Variants in SUGCT observed in about 807,000 individuals in gnomAD.
SUGCT encodes succinyl-CoA:glutarate CoA-transferase.
SUGCT carries 41 observed loss-of-function variants against 55.0 expected under a neutral mutation model. That is an observed-to-expected ratio of 0.74 (90% confidence interval 0.58 to 0.97). SUGCT has a LOEUF of 0.97. SUGCT is among the 50% of genes least tolerant of loss of function. The pLI, the probability that SUGCT is intolerant of heterozygous loss-of-function variation, is 0.00. For synonymous variants in SUGCT, 187 were observed against 200.4 expected (o/e 0.93, Z 0.56); for missense variants, 568 against 547.8 (o/e 1.04, Z -0.37).
intron 6 of SUGCT, among the ~76,000 whole-genome samples, chr7:40,207,941 A>C (rs1202074243): frequency 6.6e-6 from 1 of 152,206 alleles, no homozygotes; most frequent in East Asian, 1.9e-4. Flanking sequence ...TAAAACATCA[A>C]AGCAACCCAA....
chr7:40,661,979 C>T (rs1801350721), intron 12 of SUGCT, among the ~76,000 whole-genome samples: 1 of 152,196 alleles, frequency 6.6e-6, no homozygotes, highest in African/African-American at 2.4e-5. Context: ...ACCTTTAAAT[C>T]TAACTGCCAA....
the SUGCT span, among the ~76,000 whole-genome samples, chr7:40,948,029 G>GAAGAAGT: frequency 1.3e-5 from 2 of 152,154 alleles, no homozygotes; most frequent in Non-Finnish European, 2.9e-5. Flanking sequence ...TGATTATGGA[G>GAAGAAGT]AAGAAGTAAC....
Position 40,458,905 on chromosome 7 carries a change from A to T in SUGCT, c.889-196A>T, listed in dbSNP as rs116240276. Among the ~76,000 whole-genome samples the T allele has an allele frequency of 9.6e-3, 1,462 of 152,236 alleles. 25 individuals carry two copies. Among genetic ancestry groups the T allele is most frequent in the African/African-American group, 0.033 (1,365 of 41,524 alleles). Reference sequence around the variant, plus strand: ...TGCTTAAATGTAGTAAAAGCCTCTTATGAATGACAAACCCTTTCACCAGCA... The same window carrying T: ...TGCTTAAATGTAGTAAAAGCCTCTTTTGAATGACAAACCCTTTCACCAGCA... On this transcript the variant is annotated intron_variant, in intron 10 of 13. Coordinates refer to ENST00000335693, the MANE Select transcript of SUGCT (RefSeq NM_001193313.2).
At chr7:40,244,587 A>G (rs1789686334) in intron 7 of SUGCT, among the ~76,000 whole-genome samples, 1 of 152,220 alleles carries the variant, frequency 6.6e-6, no homozygotes, top group Non-Finnish European at 1.5e-5. Flanking sequence ...CCAAGTGTGC[A>G]GGATGGATTA....
intron 9 of SUGCT, among the ~76,000 whole-genome samples, chr7:40,445,951 C>T (rs572489785): frequency 5.3e-4 from 80 of 151,938 alleles, no homozygotes; most frequent in Non-Finnish European, 1.0e-3. Flanking sequence ...TGACTAGTTA[C>T]CTTTGCATAA....
chr7:40,216,782 G>C (rs1787684367), intron 6 of SUGCT, among the ~76,000 whole-genome samples: 1 of 151,916 alleles, frequency 6.6e-6, no homozygotes, highest in South Asian at 2.1e-4. Context: ...CTTGAACCTG[G>C]GAGGGGGAGG....
rs188293236 is a variant in SUGCT, at chr7:40,388,949, A to G, written c.817-60338A>G. Among the ~76,000 whole-genome samples, 457 of 152,306 alleles carry G rather than the reference A, an allele frequency of 3.0e-3. 2 individuals carry two copies. Among genetic ancestry groups the G allele is most frequent in the African/African-American group, 0.01 (435 of 41,572 alleles). ...GAACTTAAAAAAATATGTTTGAGATATTCATTTATTGTGAGAAAACCTGCT... is the reference window on the plus strand; with the variant it reads ...GAACTTAAAAAAATATGTTTGAGATGTTCATTTATTGTGAGAAAACCTGCT... On this transcript the variant is annotated intron_variant, in intron 9 of 13. Coordinates refer to ENST00000335693, the MANE Select transcript of SUGCT (RefSeq NM_001193313.2).
chr7:40,906,543 G>A, the SUGCT span, among the ~76,000 whole-genome samples: 6 of 151,982 alleles, frequency 3.9e-5, no homozygotes, highest in African/African-American at 1.5e-4. Flanking sequence ...TTTTTTAAAT[G>A]CAACAATAAA....
chr7:40,927,388 G>C, the SUGCT span, among the ~76,000 whole-genome samples: 1 of 152,140 alleles, frequency 6.6e-6, no homozygotes, highest in Non-Finnish European at 1.5e-5. Flanking sequence ...GGGAAAAGGG[G>C]AGTCAGAACT....
In SUGCT at chr7:40,448,959, T is replaced by TAG. The variant is rs1261492858; in HGVS notation, c.817-327_817-326insGA. Among the ~76,000 whole-genome samples the TAG allele has an allele frequency of 5.6e-4, 83 of 148,886 alleles. 1 individual carries two copies. The highest frequency in any genetic ancestry group is 4.5e-3 in the East Asian group (23 of 5,110). ...GTGTGTGTGTGTGTGTGTATATATA[T>TAG]ATAGAGAGAGAGAGAGAGAGAGAGA... On this transcript the variant is annotated intron_variant, in intron 9 of 13. Transcript: ENST00000335693.
At position 40,749,477 on chromosome 7, in the gene SUGCT, T is replaced by C; in HGVS notation, c.1133T>C (p.Val378Ala). ...GLVMEMEHPT[V>A]GKISVPGPAV... ...GTTATGGAGATGGAGCATCCAACTG[T>C]GGGGAAGATTTCCGTCCCAGGTCTG... Residue 378 changes from valine to alanine, a missense_variant, in exon 13 of 14, where the codon GTG (valine) becomes GCG (alanine). By Grantham distance (64) the Val-to-Ala change is moderately conservative (BLOSUM62 0). Coordinates refer to ENST00000335693, the MANE Select transcript of SUGCT (RefSeq NM_001193313.2). 1 of 1,613,798 alleles carries C rather than the reference T, an allele frequency of 6.2e-7. No individual in the cohort carries two copies. Among genetic ancestry groups the C allele is most frequent in the Non-Finnish European group, 8.5e-7 (1 of 1,179,736 alleles).
At chr7:40,257,221 C>G (rs1790871325) in intron 7 of SUGCT, among the ~76,000 whole-genome samples, 1 of 151,820 alleles carries the variant, frequency 6.6e-6, no homozygotes, top group Admixed American at 6.6e-5. Flanking sequence ...TTTTTGTATT[C>G]TATTTTTTAA....
intron 6 of SUGCT, among the ~76,000 whole-genome samples, chr7:40,218,816 C>G (rs769553621): frequency 1.3e-4 from 20 of 152,124 alleles, no homozygotes; most frequent in Non-Finnish European, 1.0e-4. Flanking sequence ...TAAAAATGGA[C>G]CAGTCAGCAC....
chr7:40,392,051 G>T (rs1785463333), intron 9 of SUGCT, among the ~76,000 whole-genome samples: 1 of 152,162 alleles, frequency 6.6e-6, no homozygotes, highest in African/African-American at 2.4e-5. Context: ...ACCAAAGACT[G>T]CATGTTATCA....
chr7:40,721,007 T>C (rs181160881), intron 12 of SUGCT, among the ~76,000 whole-genome samples: 11 of 152,202 alleles, frequency 7.2e-5, no homozygotes, highest in African/African-American at 2.4e-4. Context: ...TACTCAAACA[T>C]TGAGGAAACA....
intron 12 of SUGCT, among the ~76,000 whole-genome samples, chr7:40,726,470 G>C (rs957416842): frequency 6.6e-6 from 1 of 152,046 alleles, no homozygotes; most frequent in African/African-American, 2.4e-5. Context: ...CTGTCTCAGG[G>C]GTGGCAGAGG....
At chr7:40,609,534 G>C in intron 12 of SUGCT, among the ~76,000 whole-genome samples, 1 of 145,874 alleles carries the variant, frequency 6.9e-6, no homozygotes, top group African/African-American at 2.5e-5. Flanking sequence ...CTGGGCAACA[G>C]AGCGAGACTC....
At chr7:41,015,193 C>T in the SUGCT span, among the ~76,000 whole-genome samples, 1 of 152,008 alleles carries the variant, frequency 6.6e-6, no homozygotes, top group Admixed American at 6.6e-5. Flanking sequence ...GAAGAAGAGG[C>T]TTCATTTTAG....
the SUGCT span, among the ~76,000 whole-genome samples, chr7:41,034,494 T>C: frequency 0.016 from 2,430 of 152,240 alleles, 44 homozygotes; most frequent in South Asian, 0.099. Flanking sequence ...TTGCTGGGGC[T>C]GGAGGGGTCA....
Sources: allele counts gnomAD v4.1 joint callset (sites outside exome capture counted in the v4.1 genomes callset), GRCh38; gene constraint gnomAD v4.1.1; transcripts MANE v1.5; gene names NCBI Gene and HGNC (gene_info 2026-07-23, HGNC 2026-07-21).